Variants in PLSCR2 observed in about 807,000 individuals in gnomAD.
PLSCR2 encodes PL scramblase 2.
A neutral mutation model predicts 25.3 loss-of-function variants in PLSCR2; 18 were observed. The observed-to-expected ratio is 0.71, with a 90% CI of 0.49 to 1.06. The LOEUF is 1.06. Ranked by LOEUF, PLSCR2 falls within the 50% of genes least tolerant of loss-of-function variation. The probability of loss-of-function intolerance (pLI) is 0.00; values close to 1 mark genes in which losing one functional copy is unlikely to be tolerated. For synonymous variants in PLSCR2, 88 were observed against 87.3 expected (o/e 1.01, Z -0.04); for missense variants, 243 against 269.5 (o/e 0.90, Z 0.69).
rs1559968337 is a variant in PLSCR2, at chr3:146,400,822, C to CATAGGTAGAAT, written c.101-4902_101-4901insATTCTACCTAT. ...TTTGTATGTATATACATAGGTAGAA[C>CATAGGTAGAAT]GATGGAAGAGAGTAGACTCTAGAAA... On this transcript the variant is annotated intron_variant and NMD_transcript_variant, in intron 2 of 3. Coordinates refer to the PLSCR2 transcript ENST00000463633. Among the ~76,000 whole-genome samples, 20 of 151,398 alleles carry CATAGGTAGAAT rather than the reference C, an allele frequency of 1.3e-4. 1 individual carries two copies. The highest frequency in any genetic ancestry group is 1.5e-5 in the Non-Finnish European group (1 of 67,674).
chr3:146,493,529 A>G (rs2043628085), intron 1 of PLSCR2, among the ~76,000 whole-genome samples: 2 of 152,120 alleles, frequency 1.3e-5, no homozygotes, highest in South Asian at 4.1e-4. Context: ...AAGAACAAAA[A>G]CCACATGATC....
At chr3:146,473,507 T>C (rs140463008) in intron 1 of PLSCR2, among the ~76,000 whole-genome samples, 1 of 152,072 alleles carries the variant, frequency 6.6e-6, no homozygotes, top group Non-Finnish European at 1.5e-5. Context: ...GGTTTCGCCA[T>C]GTTGGTCAGG....
intron 1 of PLSCR2, among the ~76,000 whole-genome samples, chr3:146,473,757 C>A (rs1241695869): frequency 6.6e-6 from 1 of 152,192 alleles, no homozygotes; most frequent in East Asian, 1.9e-4. Flanking sequence ...CTTGTTAAAA[C>A]TCAATATGTG....
intron 5 of PLSCR2, among the ~76,000 whole-genome samples, chr3:146,452,500 C>T (rs2040961617): frequency 6.6e-6 from 1 of 152,124 alleles, no homozygotes; most frequent in African/African-American, 2.4e-5. Flanking sequence ...TAATTCAAAA[C>T]ATATAATTTA....
At chr3:146,432,174 A>G (rs944404776), downstream of PLSCR2, among the ~76,000 whole-genome samples, 1 of 152,194 alleles carries the variant, frequency 6.6e-6, no homozygotes, top group African/African-American at 2.4e-5. Flanking sequence ...GTATGAACTT[A>G]CCGTGTCCAA....
chr3:146,399,016 C>G (rs765482976), intron 2 of PLSCR2, among the ~76,000 whole-genome samples: 34 of 151,808 alleles, frequency 2.2e-4, no homozygotes, highest in Non-Finnish European at 4.3e-4. Flanking sequence ...TTAGAGCCCC[C>G]TGAGCTAAGA....
chr3:146,424,302 C>T (rs1352926797), intron 2 of PLSCR2, among the ~76,000 whole-genome samples: 1 of 151,946 alleles, frequency 6.6e-6, no homozygotes, highest in Admixed American at 6.6e-5. Flanking sequence ...GACACTAACC[C>T]TTTGGGATCA....
intron 1 of PLSCR2, among the ~76,000 whole-genome samples, chr3:146,479,089 A>G (rs1308670779): frequency 6.6e-6 from 1 of 152,238 alleles, no homozygotes; most frequent in Non-Finnish European, 1.5e-5. Flanking sequence ...GAGCTCCTGA[A>G]GGAAGCACTA....
At chr3:146,402,163 A>T (rs550476665) in intron 2 of PLSCR2, among the ~76,000 whole-genome samples, 1 of 152,238 alleles carries the variant, frequency 6.6e-6, no homozygotes, top group South Asian at 2.1e-4. Context: ...AGTGAAAACA[A>T]AGAAAGTGTC....
chr3:146,489,186 G>A (rs1439037203), intron 1 of PLSCR2, among the ~76,000 whole-genome samples: 1 of 152,102 alleles, frequency 6.6e-6, no homozygotes, highest in Non-Finnish European at 1.5e-5. Flanking sequence ...AGGGGAGATA[G>A]CATCAGGATA....
intron 1 of PLSCR2, among the ~76,000 whole-genome samples, chr3:146,485,718 A>T (rs1265695628): frequency 6.6e-6 from 1 of 152,142 alleles, no homozygotes; most frequent in Non-Finnish European, 1.5e-5. Context: ...AAATGTATTC[A>T]TCTGTTTTCA....
chr3:146,473,529 C>T (rs1360501346), intron 1 of PLSCR2, among the ~76,000 whole-genome samples: 1 of 152,042 alleles, frequency 6.6e-6, no homozygotes, highest in African/African-American at 2.4e-5. Context: ...TGGTCTTGAA[C>T]CCCTGACATC....
chr3:146,490,598 T>C (rs1432564330), intron 1 of PLSCR2, among the ~76,000 whole-genome samples: 2 of 152,160 alleles, frequency 1.3e-5, no homozygotes, highest in East Asian at 3.8e-4. Context: ...AATTGAACAC[T>C]TTCTTGTTAT....
chr3:146,409,308 G>C (rs974291453), intron 2 of PLSCR2, among the ~76,000 whole-genome samples: 6 of 152,082 alleles, frequency 3.9e-5, no homozygotes, highest in African/African-American at 1.4e-4. Flanking sequence ...TGACCCTAAG[G>C]GAACAGGCTG....
At chr3:146,495,729 T>G (rs1426124251) in intron 1 of PLSCR2, among the ~76,000 whole-genome samples, 1 of 152,210 alleles carries the variant, frequency 6.6e-6, no homozygotes. Context: ...TCTATGGTAT[T>G]TGTTACAGCA....
At chr3:146,436,362 G>A (rs919673616) in intron 8 of PLSCR2, among the ~76,000 whole-genome samples, 3 of 152,114 alleles carry the variant, frequency 2.0e-5, no homozygotes, top group Non-Finnish European at 4.4e-5. Context: ...AATTACCTTG[G>A]GCAGGATGGC....
chr3:146,477,437 G>A (rs545091306), intron 1 of PLSCR2, among the ~76,000 whole-genome samples: 4 of 152,304 alleles, frequency 2.6e-5, no homozygotes, highest in South Asian at 4.1e-4. Flanking sequence ...ATTCTCTCCC[G>A]TGCCTGGCTC....
At chr3:146,441,729 C>T, downstream of PLSCR2, 1 of 1,173,972 alleles carries the variant, frequency 8.5e-7, no homozygotes. Flanking sequence ...CTAATCAACA[C>T]AGACTTCAAA....
intron 5 of PLSCR2, among the ~76,000 whole-genome samples, chr3:146,452,609 A>C (rs1411789219): frequency 6.6e-6 from 1 of 152,182 alleles, no homozygotes; most frequent in Non-Finnish European, 1.5e-5. Flanking sequence ...TCGTATGACT[A>C]TTAGTTACTC....
Sources: gnomAD v4.1 joint callset for allele counts (sites outside exome capture counted in the v4.1 genomes callset) on GRCh38, gnomAD v4.1.1 for gene constraint, MANE v1.5 for transcripts, NCBI Gene and HGNC (gene_info 2026-07-23, HGNC 2026-07-21) for gene names.